The following OR2L13 variants were observed in gnomAD, a reference collection of about 807,000 sequenced individuals.
OR2L13 encodes olfactory receptor family 2 subfamily L member 13, also known as olfactory receptor 2L13.
Under a neutral mutation model 15.3 loss-of-function variants are expected in OR2L13, and 14 were observed. The ratio of observed to expected loss-of-function variants is 0.91; its 90% CI spans 0.60 to 1.43. The LOEUF is 1.43. OR2L13 is among the 40% of genes most tolerant of loss of function. The probability of loss-of-function intolerance (pLI) is 0.00; values close to 1 mark genes in which losing one functional copy is unlikely to be tolerated. For missense variants in OR2L13, 367 were observed against 387.9 expected, an observed-to-expected ratio of 0.95 and a Z score of 0.45; for synonymous variants, 152 against 142.9, an observed-to-expected ratio of 1.06 and a Z score of -0.45.
chr1:248,037,629 G>A, the OR2L13 span, among the ~76,000 whole-genome samples: 1 of 152,108 alleles, frequency 6.6e-6, no homozygotes, highest in Non-Finnish European at 1.5e-5. Context: ...TAGAATAAAT[G>A]AGTTCATCAT....
At chr1:248,043,217 C>T in the OR2L13 span, among the ~76,000 whole-genome samples, 6 of 152,154 alleles carry the variant, frequency 3.9e-5, no homozygotes, top group Non-Finnish European at 8.8e-5. Context: ...GACTCTCCAC[C>T]TATATACAAT....
At chr1:248,039,195 G>T in the OR2L13 span, 1 of 1,608,002 alleles carries the variant, frequency 6.2e-7, no homozygotes, top group African/African-American at 1.3e-5. Context: ...AATCTTCTCA[G>T]TGAAAATGTA....
chr1:248,084,302 C>T, the OR2L13 span: 1 of 1,612,116 alleles, frequency 6.2e-7, no homozygotes, highest in Admixed American at 1.7e-5. Context: ...GGAAGAAGAT[C>T]TGCACACCAC....
the OR2L13 span, among the ~76,000 whole-genome samples, chr1:247,985,083 T>G: frequency 0.039 from 5,909 of 152,284 alleles, 353 homozygotes; most frequent in African/African-American, 0.13. Flanking sequence ...CAACTGAATA[T>G]GTACTTACTA....
upstream of OR2L13, among the ~76,000 whole-genome samples, chr1:248,091,831 T>C (rs1572738546): frequency 6.6e-6 from 1 of 152,204 alleles, no homozygotes; most frequent in East Asian, 1.9e-4. Flanking sequence ...GTGAGGAATG[T>C]CATTGATAGT....
the OR2L13 span, among the ~76,000 whole-genome samples, chr1:248,064,539 G>A: frequency 6.6e-6 from 1 of 152,128 alleles, no homozygotes. Flanking sequence ...TGCTGTTTTT[G>A]TTAGTTGTTA....
chr1:248,016,087 T>G, the OR2L13 span, among the ~76,000 whole-genome samples: 1 of 152,198 alleles, frequency 6.6e-6, no homozygotes, highest in African/African-American at 2.4e-5. Flanking sequence ...AATCTTTGTC[T>G]TCTATGAATA....
the OR2L13 span, among the ~76,000 whole-genome samples, chr1:247,944,126 T>G: frequency 2.0e-5 from 3 of 152,098 alleles, no homozygotes; most frequent in African/African-American, 7.2e-5. Flanking sequence ...TCTTTAAATT[T>G]TGTTCTTTTT....
At chr1:247,976,046 T>C in the OR2L13 span, among the ~76,000 whole-genome samples, 1 of 152,188 alleles carries the variant, frequency 6.6e-6, no homozygotes, top group Non-Finnish European at 1.5e-5. Flanking sequence ...AAGATAGTAT[T>C]GTATTTTCTC....
the OR2L13 span, chr1:248,045,955 TATCA>T: frequency 3.7e-4 from 57 of 152,276 alleles, no homozygotes; most frequent in Non-Finnish European, 6.6e-4. Flanking sequence ...AAGTACAATT[TATCA>T]ATCAATACAT....
the OR2L13 span, among the ~76,000 whole-genome samples, chr1:248,067,097 C>T: frequency 6.6e-6 from 1 of 152,192 alleles, no homozygotes; most frequent in Non-Finnish European, 1.5e-5. Flanking sequence ...CTAATTTTAT[C>T]ACAAGTTAGA....
chr1:247,984,383 T>A, the OR2L13 span, among the ~76,000 whole-genome samples: 4 of 152,106 alleles, frequency 2.6e-5, no homozygotes. Context: ...GGAAAGTTGA[T>A]CATAGACTGC....
At chr1:247,965,806 A>T in the OR2L13 span, 11 of 1,608,632 alleles carry the variant, frequency 6.8e-6, no homozygotes, top group South Asian at 1.1e-4. Flanking sequence ...CTGCTGCCTC[A>T]TGGTTGCATG....
At chr1:248,035,284 A>T in the OR2L13 span, among the ~76,000 whole-genome samples, 1 of 152,042 alleles carries the variant, frequency 6.6e-6, no homozygotes, top group Non-Finnish European at 1.5e-5. Context: ...CCCCGTCTCT[A>T]CTAAAAATAC....
chr1:248,101,040 A>G (rs540940273), exon 3 of OR2L13: 3 of 152,342 alleles, frequency 2.0e-5, no homozygotes, highest in African/African-American at 7.2e-5. Flanking sequence ...GGGAGAGCTT[A>G]TCTGACTTAT....
chr1:247,981,151 G>A, the OR2L13 span, among the ~76,000 whole-genome samples: 1 of 152,086 alleles, frequency 6.6e-6, no homozygotes, highest in African/African-American at 2.4e-5. Flanking sequence ...TTTTCTGGAT[G>A]GGAAGCTAAA....
chr1:248,069,682 A>G, the OR2L13 span, among the ~76,000 whole-genome samples: 9 of 152,166 alleles, frequency 5.9e-5, no homozygotes, highest in Non-Finnish European at 1.3e-4. Flanking sequence ...AGACTGGCAA[A>G]TTGGATAAAG....
the OR2L13 span, among the ~76,000 whole-genome samples, chr1:247,962,103 A>C: frequency 6.6e-6 from 1 of 152,174 alleles, no homozygotes; most frequent in Non-Finnish European, 1.5e-5. Context: ...CAGAGGAGAA[A>C]GTCTAAGAAA....
At chr1:248,033,986 G>A in the OR2L13 span, among the ~76,000 whole-genome samples, 1 of 152,214 alleles carries the variant, frequency 6.6e-6, no homozygotes, top group African/African-American at 2.4e-5. Flanking sequence ...AAACTCTAAA[G>A]CCTTCTCCAG....
Sources: gnomAD v4.1 joint callset for allele counts (sites outside exome capture counted in the v4.1 genomes callset) on GRCh38, gnomAD v4.1.1 for gene constraint, MANE v1.5 for transcripts, NCBI Gene and HGNC (gene_info 2026-07-23, HGNC 2026-07-21) for gene names.